CPA6: variants seen among roughly 807,000 people sequenced by gnomAD.
The protein encoded by CPA6 is carboxypeptidase A6.
Under a neutral mutation model 63.3 loss-of-function variants are expected in CPA6, and 58 were observed. The ratio of observed to expected loss-of-function variants is 0.92; its 90% CI spans 0.74 to 1.14. The LOEUF (loss-of-function observed/expected upper bound fraction) is 1.14. Ranked by LOEUF, CPA6 falls within the 50% of genes most tolerant of loss-of-function variation. CPA6 has a pLI of 0.00. For synonymous variants in CPA6, 185 were observed against 179.0 expected (o/e 1.03, Z -0.27); for missense variants, 565 against 526.6 (o/e 1.07, Z -0.71).
At chr8:67,435,998 G>T (rs1417744771) in intron 8 of CPA6, among the ~76,000 whole-genome samples, 1 of 151,164 alleles carries the variant, frequency 6.6e-6, no homozygotes, top group Admixed American at 6.6e-5. Flanking sequence ...TTGGGGGAGG[G>T]CGTAAGGTGG....
intron 1 of CPA6, among the ~76,000 whole-genome samples, chr8:67,656,854 T>A: frequency 6.6e-6 from 1 of 152,172 alleles, no homozygotes; most frequent in East Asian, 1.9e-4. Context: ...TGGAGCCAAA[T>A]GGATGTGTCA....
At chr8:67,479,066 C>T (rs897877117) in intron 8 of CPA6, among the ~76,000 whole-genome samples, 3 of 152,104 alleles carry the variant, frequency 2.0e-5, no homozygotes, top group African/African-American at 7.2e-5. Flanking sequence ...CAATATAGCA[C>T]CCTAGCATGC....
intron 8 of CPA6, among the ~76,000 whole-genome samples, chr8:67,449,834 C>T (rs1810515366): frequency 8.8e-6 from 1 of 113,482 alleles, no homozygotes; most frequent in Non-Finnish European, 1.7e-5. Context: ...TTTTTGGAGA[C>T]AGAGTCTTGC....
At chr8:67,683,660 A>G (rs1185136124) in intron 1 of CPA6, among the ~76,000 whole-genome samples, 1 of 152,248 alleles carries the variant, frequency 6.6e-6, no homozygotes, top group East Asian at 1.9e-4. Flanking sequence ...ATTTGGCCCA[A>G]GAGAAACCCT....
chr8:67,558,823 T>C (rs1813130362), intron 2 of CPA6, among the ~76,000 whole-genome samples: 2 of 152,278 alleles, frequency 1.3e-5, no homozygotes, highest in South Asian at 4.1e-4. Flanking sequence ...CTGGTCACAT[T>C]CCATCATGAA....
intron 2 of CPA6, among the ~76,000 whole-genome samples, chr8:67,519,842 T>C (rs1428098580): frequency 1.3e-5 from 2 of 152,248 alleles, no homozygotes; most frequent in African/African-American, 4.8e-5. Flanking sequence ...AACAATATCC[T>C]AAATGAACTC....
chr8:67,645,622 C>T (rs868385517), intron 1 of CPA6, among the ~76,000 whole-genome samples: 3 of 152,144 alleles, frequency 2.0e-5, no homozygotes, highest in African/African-American at 7.2e-5. Flanking sequence ...AACGATATAA[C>T]ACATGGTTTC....
At chr8:67,519,833 A>G (rs1240418936) in intron 2 of CPA6, among the ~76,000 whole-genome samples, 1 of 152,256 alleles carries the variant, frequency 6.6e-6, no homozygotes, top group African/African-American at 2.4e-5. Flanking sequence ...AGGAGAGTCA[A>G]CAATATCCTA....
At chr8:67,574,701 T>G (rs999091849) in intron 2 of CPA6, among the ~76,000 whole-genome samples, 1 of 152,044 alleles carries the variant, frequency 6.6e-6, no homozygotes, top group African/African-American at 2.4e-5. Context: ...AAGAATAAAT[T>G]TGGACCCTTA....
chr8:67,692,636 C>T (rs901806304), intron 1 of CPA6, among the ~76,000 whole-genome samples: 1 of 152,028 alleles, frequency 6.6e-6, no homozygotes, highest in Non-Finnish European at 1.5e-5. Context: ...CAAAAGTGTG[C>T]AGGATAAACT....
intron 2 of CPA6, among the ~76,000 whole-genome samples, chr8:67,613,729 G>A: frequency 6.6e-6 from 1 of 152,216 alleles, no homozygotes; most frequent in East Asian, 1.9e-4. Flanking sequence ...CCTCAAGCCT[G>A]TATACCCATG....
At chr8:67,577,412 T>C (rs1440821374) in intron 2 of CPA6, among the ~76,000 whole-genome samples, 3 of 152,126 alleles carry the variant, frequency 2.0e-5, no homozygotes, top group Non-Finnish European at 4.4e-5. Context: ...AGTAAATTCA[T>C]CTCCCCATCT....
intron 8 of CPA6, among the ~76,000 whole-genome samples, chr8:67,450,105 C>T (rs1006760593): frequency 7.3e-5 from 11 of 150,216 alleles, no homozygotes; most frequent in Admixed American, 4.0e-4. Context: ...CATGAGCCAC[C>T]GCGCCTGGCC....
At chr8:67,660,504 T>TTTG (rs1444368686) in intron 1 of CPA6, among the ~76,000 whole-genome samples, 1 of 137,650 alleles carries the variant, frequency 7.3e-6, no homozygotes, top group Non-Finnish European at 1.6e-5. Flanking sequence ...TCATTTTTTT[T>TTTG]TTTTTTTTTT....
At chr8:67,668,030 A>G (rs887055248) in intron 1 of CPA6, among the ~76,000 whole-genome samples, 1 of 152,202 alleles carries the variant, frequency 6.6e-6, no homozygotes, top group Admixed American at 6.5e-5. Flanking sequence ...GGTCACACAC[A>G]TGGGTTTTAA....
intron 8 of CPA6, among the ~76,000 whole-genome samples, chr8:67,473,571 A>G (rs1056569405): frequency 2.0e-5 from 3 of 152,220 alleles, no homozygotes; most frequent in Non-Finnish European, 2.9e-5. Context: ...GAAAAGGCAC[A>G]GAATCCCCTA....
At chr8:67,612,087 T>A (rs941920987) in intron 2 of CPA6, among the ~76,000 whole-genome samples, 19 of 152,376 alleles carry the variant, frequency 1.2e-4, no homozygotes, top group African/African-American at 4.3e-4. Context: ...GGACCTTGAC[T>A]GATCTTGGTT....
chr8:67,666,097 AG>A (rs1381043346), intron 1 of CPA6, among the ~76,000 whole-genome samples: 1 of 152,232 alleles, frequency 6.6e-6, no homozygotes, highest in Non-Finnish European at 1.5e-5. Context: ...TCCTTCTGGT[AG>A]GATGGCAGAC....
At chr8:67,488,527 GCAAC>G (rs1811535535) in intron 6 of CPA6, among the ~76,000 whole-genome samples, 1 of 152,170 alleles carries the variant, frequency 6.6e-6, no homozygotes, top group African/African-American at 2.4e-5. Flanking sequence ...GATTGTCTTG[GCAAC>G]GTGGGCTCTT....
Sources: gnomAD v4.1 joint callset for allele counts (sites outside exome capture counted in the v4.1 genomes callset) on GRCh38, gnomAD v4.1.1 for gene constraint, MANE v1.5 for transcripts, NCBI Gene and HGNC (gene_info 2026-07-23, HGNC 2026-07-21) for gene names.